DPP10: variants seen among roughly 807,000 people sequenced by gnomAD.
The protein encoded by DPP10 is inactive dipeptidyl peptidase 10.
DPP10 carries 33 observed loss-of-function variants against 120.9 expected under a neutral mutation model. The observed-to-expected ratio is 0.27, with a 90% CI of 0.21 to 0.37. The LOEUF is 0.37. Among genes scored for constraint, DPP10 ranks in the 10% least tolerant of loss-of-function variants. The probability of loss-of-function intolerance (pLI) is 1.00; values close to 1 mark genes in which losing one functional copy is unlikely to be tolerated. For synonymous variants in DPP10, 337 were observed against 326.1 expected (o/e 1.03, Z -0.36); for missense variants, 816 against 942.8 (o/e 0.87, Z 1.76).
At chr2:115,060,591 C>G (rs1177474113) in intron 1 of DPP10, among the ~76,000 whole-genome samples, 2 of 152,108 alleles carry the variant, frequency 1.3e-5, no homozygotes, top group Non-Finnish European at 2.9e-5. Context: ...AATCCTGTCT[C>G]AAATTGATAG....
chr2:114,454,836 C>T (rs1186310816), intron 1 of DPP10, among the ~76,000 whole-genome samples: 1 of 152,052 alleles, frequency 6.6e-6, no homozygotes, highest in African/African-American at 2.4e-5. Flanking sequence ...CCCTGTCTAC[C>T]TTCCACTATA....
At chr2:115,731,037 C>A (rs2092894909) in intron 8 of DPP10, among the ~76,000 whole-genome samples, 1 of 151,898 alleles carries the variant, frequency 6.6e-6, no homozygotes. Flanking sequence ...CCAGCCTGGG[C>A]AATATGGCAA....
chr2:115,415,395 T>C (rs1421339569), intron 3 of DPP10, among the ~76,000 whole-genome samples: 4 of 152,198 alleles, frequency 2.6e-5, no homozygotes, highest in African/African-American at 9.6e-5. Context: ...TATGCATTCA[T>C]GCCCATGTGC....
intron 1 of DPP10, among the ~76,000 whole-genome samples, chr2:114,820,974 G>T (rs1451772413): frequency 6.6e-6 from 1 of 152,200 alleles, no homozygotes; most frequent in African/African-American, 2.4e-5. Context: ...ACATGGAATG[G>T]TTTTGAGAAG....
At chr2:115,519,841 A>G (rs1242043554) in intron 4 of DPP10, among the ~76,000 whole-genome samples, 2 of 152,138 alleles carry the variant, frequency 1.3e-5, no homozygotes, top group African/African-American at 4.8e-5. Context: ...TGCTCAAACC[A>G]GGGAATTTGG....
At chr2:115,643,040 C>T (rs184099375) in intron 5 of DPP10, among the ~76,000 whole-genome samples, 1 of 151,892 alleles carries the variant, frequency 6.6e-6, no homozygotes, top group Non-Finnish European at 1.5e-5. Context: ...ATTATGAAGT[C>T]ATTTAAATTA....
At chr2:115,133,203 G>A (rs1352057759) in intron 1 of DPP10, among the ~76,000 whole-genome samples, 2 of 110,218 alleles carry the variant, frequency 1.8e-5, no homozygotes, top group African/African-American at 7.5e-5. Context: ...TCTTGAGACA[G>A]AGTCCCATTC....
At chr2:115,427,644 G>A (rs1197752447) in intron 3 of DPP10, among the ~76,000 whole-genome samples, 1 of 152,084 alleles carries the variant, frequency 6.6e-6, no homozygotes, top group Non-Finnish European at 1.5e-5. Context: ...AGTCCCCCTG[G>A]GCCTCTGATG....
chr2:115,252,476 G>GT (rs2058797450), intron 1 of DPP10, among the ~76,000 whole-genome samples: 1 of 152,136 alleles, frequency 6.6e-6, no homozygotes. Flanking sequence ...TTATTGTTTA[G>GT]TTTAACCCTA....
At chr2:115,287,300 T>A (rs1344776882) in intron 1 of DPP10, among the ~76,000 whole-genome samples, 1 of 152,116 alleles carries the variant, frequency 6.6e-6, no homozygotes. Context: ...ATTAATTTTT[T>A]AAAATTTCAG....
intron 1 of DPP10, among the ~76,000 whole-genome samples, chr2:114,556,453 G>C (rs1312625603): frequency 1.3e-5 from 2 of 151,846 alleles, no homozygotes; most frequent in East Asian, 3.9e-4. Context: ...CATTTATAGA[G>C]AGAAGGAAGA....
intron 1 of DPP10, among the ~76,000 whole-genome samples, chr2:114,626,030 T>C (rs1416587730): frequency 1.3e-5 from 2 of 151,714 alleles, no homozygotes; most frequent in African/African-American, 4.8e-5. Flanking sequence ...ATTATAAATT[T>C]ATACTGATGA....
chr2:115,204,884 T>A (rs925467123), intron 1 of DPP10, among the ~76,000 whole-genome samples: 1 of 152,238 alleles, frequency 6.6e-6, no homozygotes. Context: ...TTGGCCACTT[T>A]TATGTATTCT....
At chr2:115,479,635 A>G (rs939488286) in intron 3 of DPP10, among the ~76,000 whole-genome samples, 1 of 145,536 alleles carries the variant, frequency 6.9e-6, no homozygotes, top group African/African-American at 2.8e-5. Flanking sequence ...TTAAATAAAA[A>G]CACACATGTA....
At chr2:115,200,884 C>A (rs1190469267) in intron 1 of DPP10, among the ~76,000 whole-genome samples, 1 of 152,122 alleles carries the variant, frequency 6.6e-6, no homozygotes, top group Non-Finnish European at 1.5e-5. Flanking sequence ...CTGAAGACTT[C>A]AGAGTTTTAT....
intron 1 of DPP10, among the ~76,000 whole-genome samples, chr2:115,183,200 GT>G (rs1436571046): frequency 6.6e-6 from 1 of 152,064 alleles, no homozygotes; most frequent in Non-Finnish European, 1.5e-5. Flanking sequence ...TAATGTGATG[GT>G]TTTGTACTCC....
chr2:114,522,652 G>A (rs1352570239), intron 1 of DPP10, among the ~76,000 whole-genome samples: 2 of 152,146 alleles, frequency 1.3e-5, no homozygotes, highest in African/African-American at 4.8e-5. Flanking sequence ...CCTCTGATTG[G>A]TCTTTTTGGG....
chr2:115,056,761 G>A (rs1167463331), intron 1 of DPP10, among the ~76,000 whole-genome samples: 1 of 152,188 alleles, frequency 6.6e-6, no homozygotes, highest in Non-Finnish European at 1.5e-5. Flanking sequence ...GGGACTCCAA[G>A]ACAGAAGATG....
At chr2:115,713,208 A>G (rs907746434) in intron 7 of DPP10, among the ~76,000 whole-genome samples, 8 of 152,150 alleles carry the variant, frequency 5.3e-5, no homozygotes, top group African/African-American at 1.9e-4. Context: ...AGCAGCAGTC[A>G]TGAGAGAGGG....
Sources: allele counts gnomAD v4.1 joint callset (sites outside exome capture counted in the v4.1 genomes callset), GRCh38; gene constraint gnomAD v4.1.1; transcripts MANE v1.5; gene names NCBI Gene and HGNC (gene_info 2026-07-23, HGNC 2026-07-21).